Variants in RALYL observed in about 807,000 individuals in gnomAD.
RALYL encodes the protein RALY RNA binding protein like, also known as RNA-binding Raly-like protein.
In RALYL, 29 loss-of-function variants were observed where a neutral mutation model predicts 35.1. That is an observed-to-expected ratio of 0.83 (90% CI 0.61 to 1.13). The LOEUF is 1.13. Among genes scored for constraint, RALYL ranks in the 50% most tolerant of loss-of-function variants. The pLI is 0.00. For synonymous variants in RALYL, 120 were observed against 127.6 expected (o/e 0.94, Z 0.40); for missense variants, 359 against 360.4 (o/e 1.00, Z 0.03).
intron 2 of RALYL, among the ~76,000 whole-genome samples, chr8:84,631,276 T>C (rs1823849355): frequency 6.6e-6 from 1 of 152,016 alleles, no homozygotes; most frequent in African/African-American, 2.4e-5. Flanking sequence ...GCTTAGTTCA[T>C]GTTGTTCTCT....
chr8:84,698,739 GAA>G (rs1258386960), intron 2 of RALYL, among the ~76,000 whole-genome samples: 1 of 152,060 alleles, frequency 6.6e-6, no homozygotes, highest in African/African-American at 2.4e-5. Flanking sequence ...AATCAGCCAG[GAA>G]AAGAGGAAGG....
chr8:84,637,392 T>C (rs1328559911), intron 2 of RALYL, among the ~76,000 whole-genome samples: 1 of 151,792 alleles, frequency 6.6e-6, no homozygotes, highest in Admixed American at 6.6e-5. Flanking sequence ...TCAGGTGACG[T>C]TTCCTAGAAG....
At chr8:84,425,539 T>C (rs1029410283) in intron 1 of RALYL, among the ~76,000 whole-genome samples, 8 of 152,202 alleles carry the variant, frequency 5.3e-5, no homozygotes, top group African/African-American at 7.2e-5. Flanking sequence ...AGCTGTAGAC[T>C]GGAGCTGTTC....
At chr8:84,780,408 A>G (rs1817870232) in intron 3 of RALYL, among the ~76,000 whole-genome samples, 1 of 152,196 alleles carries the variant, frequency 6.6e-6, no homozygotes, top group Non-Finnish European at 1.5e-5. Context: ...GATCCACAAG[A>G]GAAAATACCA....
intron 2 of RALYL, among the ~76,000 whole-genome samples, chr8:84,742,711 T>G (rs1449973089): frequency 2.0e-5 from 3 of 151,928 alleles, no homozygotes; most frequent in African/African-American, 7.2e-5. Context: ...TAATGGAACA[T>G]CCCCCAAGGG....
chr8:84,490,074 C>T (rs1468999622), intron 1 of RALYL, among the ~76,000 whole-genome samples: 2 of 114,174 alleles, frequency 1.8e-5, no homozygotes, highest in Non-Finnish European at 3.9e-5. Flanking sequence ...AGAGTGCTTG[C>T]GTGCATGTGT....
intron 2 of RALYL, among the ~76,000 whole-genome samples, chr8:84,537,685 A>G (rs1177214846): frequency 1.3e-5 from 2 of 152,258 alleles, no homozygotes; most frequent in East Asian, 1.9e-4. Flanking sequence ...TTCCTCATCA[A>G]CCTTCTCAAA....
intron 2 of RALYL, among the ~76,000 whole-genome samples, chr8:84,634,842 T>A (rs1718441441): frequency 6.6e-6 from 1 of 151,744 alleles, no homozygotes; most frequent in Admixed American, 6.6e-5. Flanking sequence ...CTCATTCTAT[T>A]GATATCCAAA....
chr8:84,654,950 A>C (rs971054849), intron 2 of RALYL, among the ~76,000 whole-genome samples: 1 of 151,424 alleles, frequency 6.6e-6, no homozygotes, highest in African/African-American at 2.4e-5. Flanking sequence ...ATATATACCT[A>C]GCGGTGGGAT....
At chr8:84,602,543 A>G (rs1008627740) in intron 2 of RALYL, among the ~76,000 whole-genome samples, 10 of 152,080 alleles carry the variant, frequency 6.6e-5, no homozygotes, top group African/African-American at 2.2e-4. Context: ...ATAGAAACGT[A>G]TTGGAGGCAT....
chr8:84,555,448 A>C (rs2061046001), intron 2 of RALYL, among the ~76,000 whole-genome samples: 1 of 152,104 alleles, frequency 6.6e-6, no homozygotes, highest in Non-Finnish European at 1.5e-5. Context: ...ATGCTACATA[A>C]ATGTTCATTC....
intron 1 of RALYL, among the ~76,000 whole-genome samples, chr8:84,490,683 A>T (rs2134031218): frequency 6.6e-6 from 1 of 151,398 alleles, no homozygotes; most frequent in African/African-American, 2.4e-5. Context: ...AGGATAAAAA[A>T]GATGTGGGTA....
rs1048202039 is a variant in RALYL, at chr8:84,333,202, A to G, written c.-24+148778A>G. Among the ~76,000 whole-genome samples the G allele has an allele frequency of 2.6e-5, 4 of 152,190 alleles. No individual in the cohort carries two copies. In the South Asian group the frequency reaches 8.3e-4, roughly 32 times the overall value. ...AATAACCATTGCATGTTCTTACCTT[A>G]TTGTGCTAATGTTGGACACCTCACT... On this transcript the variant is annotated intron_variant, in intron 1 of 8. Transcript: ENST00000521268.
At chr8:84,683,456 A>G (rs1836057860) in intron 2 of RALYL, among the ~76,000 whole-genome samples, 1 of 152,142 alleles carries the variant, frequency 6.6e-6, no homozygotes, top group Non-Finnish European at 1.5e-5. Flanking sequence ...AAAGTCTCCC[A>G]TTATTATAGT....
At chr8:84,410,609 T>C (rs1343443126) in intron 1 of RALYL, among the ~76,000 whole-genome samples, 2 of 151,890 alleles carry the variant, frequency 1.3e-5, no homozygotes, top group Non-Finnish European at 2.9e-5. Context: ...TTACAATATG[T>C]CGTTTTTAAA....
chr8:84,204,390 G>T (rs1161495777), intron 1 of RALYL, among the ~76,000 whole-genome samples: 1 of 152,096 alleles, frequency 6.6e-6, no homozygotes, highest in African/African-American at 2.4e-5. Flanking sequence ...GGGGAATAAG[G>T]TATTTTTTCT....
At chr8:84,553,345 A>G (rs1335017797) in intron 2 of RALYL, among the ~76,000 whole-genome samples, 2 of 152,148 alleles carry the variant, frequency 1.3e-5, no homozygotes, top group Non-Finnish European at 2.9e-5. Context: ...AATTCTTGGT[A>G]GAGACTGGGA....
At position 84,529,253 on chromosome 8, in the gene RALYL, T is replaced by C. The variant is rs1322997350; in HGVS notation, c.-23-46T>C. 3.2e-6 allele frequency: 5 copies of C among 1,539,598 alleles called. No individual in the cohort carries two copies. The Admixed American group carries it at 9.9e-5, about 31-fold the overall frequency. The stretch of plus-strand genomic sequence containing the variant: ...CACTGATACCCATTCGATCTAATGA[T>C]TTACCTTTTGATTATTTGTTTTGTT... On this transcript the variant is annotated intron_variant, in intron 1 of 8. Transcript: ENST00000521268.
intron 1 of RALYL, among the ~76,000 whole-genome samples, chr8:84,253,194 T>G (rs1830556973): frequency 2.3e-5 from 3 of 128,864 alleles, no homozygotes; most frequent in Non-Finnish European, 4.9e-5. Context: ...TTTTTTTTTT[T>G]TTTTTTTTTT....
Sources: allele counts gnomAD v4.1 joint callset (sites outside exome capture counted in the v4.1 genomes callset), GRCh38; gene constraint gnomAD v4.1.1; transcripts MANE v1.5; gene names NCBI Gene and HGNC (gene_info 2026-07-23, HGNC 2026-07-21).